The following CEP128 variants were observed in gnomAD, a reference collection of about 807,000 sequenced individuals.
The protein encoded by CEP128 is centrosomal protein 128.
Under a neutral mutation model 156.7 loss-of-function variants are expected in CEP128, and 132 were observed. That is an observed-to-expected ratio of 0.84 (90% confidence interval 0.73 to 0.97). The LOEUF is 0.97. Ranked by LOEUF, CEP128 falls within the 50% of genes least tolerant of loss-of-function variation. The pLI, the probability that CEP128 is intolerant of heterozygous loss-of-function variation, is 0.00. For missense variants in CEP128, 1,252 were observed against 1,281.9 expected, an observed-to-expected ratio of 0.98 and a Z score of 0.36; for synonymous variants, 469 against 448.9, an observed-to-expected ratio of 1.04 and a Z score of -0.57.
chr14:80,874,518 G>T (rs1051711841), intron 8 of CEP128, among the ~76,000 whole-genome samples: 3 of 152,014 alleles, frequency 2.0e-5, no homozygotes, highest in Non-Finnish European at 2.9e-5. Context: ...AATGACATCG[G>T]ATATATAAAA....
At chr14:80,577,049 A>G (rs1891390928) in intron 20 of CEP128, among the ~76,000 whole-genome samples, 1 of 152,166 alleles carries the variant, frequency 6.6e-6, no homozygotes, top group African/African-American at 2.4e-5. Flanking sequence ...AGTTCTGTTG[A>G]TGATCTTTCC....
chr14:80,656,299 A>ATTTT (rs1566837888), intron 19 of CEP128, among the ~76,000 whole-genome samples: 2 of 7,748 alleles, frequency 2.6e-4, no homozygotes, highest in African/African-American at 1.4e-3. Context: ...ATTTATATAT[A>ATTTT]TATATATATA....
intron 19 of CEP128, among the ~76,000 whole-genome samples, chr14:80,648,749 A>G (rs1185243131): frequency 6.6e-6 from 1 of 152,126 alleles, no homozygotes; most frequent in Non-Finnish European, 1.5e-5. Flanking sequence ...TAAATTAATT[A>G]AACACTAGTT....
intron 9 of CEP128, among the ~76,000 whole-genome samples, chr14:80,853,955 C>T (rs375474462): frequency 1.8e-4 from 26 of 144,984 alleles, no homozygotes; most frequent in Middle Eastern, 3.4e-3. Context: ...AAATTAGATC[C>T]TTTCCTCTCT....
intron 9 of CEP128, among the ~76,000 whole-genome samples, chr14:80,854,647 T>C (rs997414263): frequency 5.3e-5 from 8 of 152,146 alleles, no homozygotes; most frequent in Non-Finnish European, 1.2e-4. Context: ...GCCTGTATTG[T>C]AAGAGAATGT....
intron 19 of CEP128, among the ~76,000 whole-genome samples, chr14:80,580,757 A>G (rs1891557085): frequency 6.6e-6 from 1 of 152,166 alleles, no homozygotes; most frequent in Admixed American, 6.6e-5. Context: ...AACTCAATGC[A>G]ACACAAAATT....
intron 18 of CEP128, among the ~76,000 whole-genome samples, chr14:80,744,677 G>C (rs547133382): frequency 2.0e-5 from 3 of 152,144 alleles, no homozygotes; most frequent in East Asian, 1.9e-4. Flanking sequence ...AAGAAAACAG[G>C]GTTTTCTCTT....
rs1344457542 is a variant in CEP128 at position 80,729,058 on chromosome 14, G to GTGTGTGTGTGTGTGT, written c.2806+14016_2806+14017insACACACACACACACA. ...CCTAGTCCCAGGCTGGGCTGGTGGG[G>GTGTGTGTGTGTGTGT]GTGTGTGTGTGTGTGTGTGTGTGTG... is the stretch of plus-strand genomic sequence containing the variant. On this transcript the variant is annotated intron_variant, in intron 19 of 24. Transcript: ENST00000555265. 7.0e-3 allele frequency among the ~76,000 whole-genome samples: 735 copies of GTGTGTGTGTGTGTGT among 105,044 alleles called. 75 individuals carry two copies. The highest frequency in any genetic ancestry group is 0.023 in the East Asian group (74 of 3,202). 68.9% of individuals were successfully genotyped at this position (105,044 alleles called of 152,430 possible).
At chr14:80,541,865 T>C (rs145890371) in intron 21 of CEP128, among the ~76,000 whole-genome samples, 163 of 152,320 alleles carry the variant, frequency 1.1e-3, no homozygotes, top group African/African-American at 3.8e-3. Flanking sequence ...GAGCTTGGGC[T>C]CTTGAGGCAG....
At chr14:80,590,140 A>G (rs1891986924) in intron 19 of CEP128, among the ~76,000 whole-genome samples, 1 of 152,130 alleles carries the variant, frequency 6.6e-6, no homozygotes, top group Non-Finnish European at 1.5e-5. Flanking sequence ...GTTGTACTGA[A>G]ACAAGGACAT....
At chr14:80,641,983 C>A (rs10146748) in intron 19 of CEP128, among the ~76,000 whole-genome samples, 1 of 150,082 alleles carries the variant, frequency 6.7e-6, no homozygotes. Context: ...CCAGCTACTC[C>A]GGAGGCTGAG....
At chr14:80,715,630 C>T (rs537578577) in intron 19 of CEP128, among the ~76,000 whole-genome samples, 2 of 152,146 alleles carry the variant, frequency 1.3e-5, no homozygotes, top group African/African-American at 2.4e-5. Context: ...GTGCAAAAGA[C>T]CCAAGGCAAA....
At chr14:80,645,695 C>T (rs559677274) in intron 19 of CEP128, among the ~76,000 whole-genome samples, 1 of 152,078 alleles carries the variant, frequency 6.6e-6, no homozygotes, top group Non-Finnish European at 1.5e-5. Flanking sequence ...TTTTACCATA[C>T]AATCCAGCAA....
intron 19 of CEP128, among the ~76,000 whole-genome samples, chr14:80,699,030 A>C (rs1002331647): frequency 2.0e-5 from 3 of 152,132 alleles, no homozygotes; most frequent in African/African-American, 7.2e-5. Context: ...TTGGGAAGAG[A>C]ATGAGAGGGA....
chr14:80,955,448 G>A (rs1886610154), intron 2 of CEP128: 1 of 594,478 alleles, frequency 1.7e-6, no homozygotes. Flanking sequence ...CAAGGAAAGT[G>A]AAGCAAGCAG....
chr14:80,527,678 T>C (rs1268068409), intron 22 of CEP128, among the ~76,000 whole-genome samples: 1 of 152,184 alleles, frequency 6.6e-6, no homozygotes, highest in Non-Finnish European at 1.5e-5. Flanking sequence ...AGCATCAATA[T>C]ATTCTTGTTT....
intron 14 of CEP128, among the ~76,000 whole-genome samples, chr14:80,482,100 G>A (rs1887065636): frequency 6.6e-6 from 1 of 151,862 alleles, no homozygotes; most frequent in South Asian, 2.1e-4. Context: ...CAGGAGTTAA[G>A]AGAATCTTAT....
chr14:80,917,886 T>C (rs1029161659), intron 2 of CEP128, among the ~76,000 whole-genome samples: 12 of 152,352 alleles, frequency 7.9e-5, no homozygotes, highest in Middle Eastern at 6.8e-3. Context: ...GTTAGGTTTT[T>C]TTTAAATGAA....
chr14:80,833,273 T>C (rs1885903990), intron 12 of CEP128, among the ~76,000 whole-genome samples: 1 of 151,716 alleles, frequency 6.6e-6, no homozygotes. Context: ...AGAATGAATA[T>C]ATATTATATA....
Sources: gnomAD v4.1 joint callset for allele counts (sites outside exome capture counted in the v4.1 genomes callset) on GRCh38, gnomAD v4.1.1 for gene constraint, MANE v1.5 for transcripts, NCBI Gene and HGNC (gene_info 2026-07-23, HGNC 2026-07-21) for gene names.